ECH1: variants seen among roughly 807,000 people sequenced by gnomAD.
The protein encoded by ECH1 is delta(3,5)-Delta(2,4)-dienoyl-CoA isomerase, mitochondrial.
Under a neutral mutation model 37.0 loss-of-function variants are expected in ECH1, and 30 were observed. The observed-to-expected ratio is 0.81, with a 90% CI of 0.61 to 1.10. The LOEUF is 1.10. Among genes scored for constraint, ECH1 ranks in the 50% least tolerant of loss-of-function variants. The probability of loss-of-function intolerance (pLI) is 0.00; values close to 1 mark genes in which losing one functional copy is unlikely to be tolerated. For synonymous variants in ECH1, 178 were observed against 176.0 expected, an observed-to-expected ratio of 1.01 and a Z score of -0.09; for missense variants, 456 against 441.6, an observed-to-expected ratio of 1.03 and a Z score of -0.29.
Position 38,831,395 on chromosome 19 carries a change from A to C in ECH1, c.174T>G (p.Leu58=). The C allele has an allele frequency of 6.2e-7, 1 of 1,614,028 alleles. No homozygotes were observed. Among genetic ancestry groups the C allele is most frequent in the Non-Finnish European group, 8.5e-7 (1 of 1,180,002 alleles). Residue 58 remains leucine, a synonymous_variant, in exon 2 of 10, where the codon CTT becomes CTG. Coordinates refer to ENST00000221418, the MANE Select transcript of ECH1 (RefSeq NM_001398.3). Reference sequence around the variant, plus strand: ...CATGTTTCTGCGCAGACGTCACACGAAGGGACTCATAGCTGTGGTCTGGGG... The same window carrying C: ...CATGTTTCTGCGCAGACGTCACACGCAGGGACTCATAGCTGTGGTCTGGGG... ...GEAPDHSYES[L]RVTSAQKHVL...
chr19:38,815,514 C>T lies in ECH1; in HGVS notation c.*99G>A, dbSNP rs1971556577. The stretch of plus-strand genomic sequence containing the variant: ...AAAGTTATAAACTGGGAAACTGGGT[C>T]AGAAGGCATAGAAACAACTGTCATC... On this transcript the variant is annotated 3_prime_UTR_variant, in exon 10 of 10. Coordinates refer to ENST00000221418, the MANE Select transcript of ECH1 (RefSeq NM_001398.3). 1 of 1,151,664 alleles carries T rather than the reference C, an allele frequency of 8.7e-7. No individual in the cohort carries two copies. Among genetic ancestry groups the T allele is most frequent in the Non-Finnish European group, 1.3e-6 (1 of 779,404 alleles). 71.3% of individuals were successfully genotyped at this position (1,151,664 alleles called of 1,614,324 possible).
At position 38,815,578 on chromosome 19, in the gene ECH1, C is replaced by T. The variant is rs371584548; in HGVS notation, c.*35G>A. The stretch of plus-strand genomic sequence containing the variant: ...TTCTGTGGATGAGGCGGGACAAGGC[C>T]GGCCCCCTGGCTGGGGCCTGGGACG... On this transcript the variant is annotated 3_prime_UTR_variant, in exon 10 of 10. Coordinates refer to ENST00000221418, the MANE Select transcript of ECH1 (RefSeq NM_001398.3). The T allele has an allele frequency of 5.0e-6, 8 of 1,595,850 alleles. No homozygotes were observed. The African/African-American group carries it at 5.4e-5, about 11-fold the overall frequency.
At chr19:38,818,414 TC>T (rs1426787931) in intron 3 of ECH1, 7 of 985,066 alleles carry the variant, frequency 7.1e-6, no homozygotes, top group Non-Finnish European at 8.4e-6. Flanking sequence ...TCCACCTGTG[TC>T]CCCAGTCTAT....
chr19:38,818,136 G>C (rs1261441543), intron 3 of ECH1: 1 of 815,918 alleles, frequency 1.2e-6, no homozygotes, highest in Non-Finnish European at 1.5e-6. Context: ...GGGATTACAC[G>C]TGTGAGCCAC....
At chr19:38,826,393 G>A (rs928259537) in intron 3 of ECH1, among the ~76,000 whole-genome samples, 2 of 152,216 alleles carry the variant, frequency 1.3e-5, no homozygotes, top group African/African-American at 2.4e-5. Flanking sequence ...CTTAAAGCCT[G>A]AAGCTCATAA....
chr19:38,826,693 T>G (rs1971743975), intron 3 of ECH1, among the ~76,000 whole-genome samples: 1 of 152,200 alleles, frequency 6.6e-6, no homozygotes, highest in South Asian at 2.1e-4. Context: ...TCTCTTTGCC[T>G]TTGAGGATCC....
In ECH1 at chr19:38,815,898, A is replaced by T. The variant is rs199700435; in HGVS notation, c.841T>A (p.Tyr281Asn). ...AVQSTKVNLL[Y>N]SRDHSVAESL... ...TCGGCCACCGAATGGTCGCGGGAAT[A>T]CAGCAGGTTGACCTTGGTGCTCTGC... Residue 281 changes from tyrosine (Y) to asparagine (N), a missense_variant, in exon 9 of 10, where the codon TAT (tyrosine) becomes AAT (asparagine). Physicochemically the swap from Tyr to Asn is moderately radical, Grantham distance 143. Transcript: ENST00000221418. 279 of 1,614,082 alleles carry T rather than the reference A, an allele frequency of 1.7e-4. No homozygotes were observed. The highest frequency in any genetic ancestry group is 2.3e-4 in the Non-Finnish European group (269 of 1,180,032).
At chr19:38,816,718 C>T (rs893696283) in intron 6 of ECH1, among the ~76,000 whole-genome samples, 195 bp from the exon 7 acceptor site, 3 of 152,160 alleles carry the variant, frequency 2.0e-5, no homozygotes, top group African/African-American at 7.2e-5. Context: ...ATAGAGCCCA[C>T]CTTCCCACTC....
chr19:38,815,928 C>G lies in ECH1; in HGVS notation c.811G>C (p.Ala271Pro), dbSNP rs1971567743. The part of the protein sequence containing the change: ...AAEISSKSPV[A>P]VQSTKVNLLY... ...AGGTTGACCTTGGTGCTCTGCACCGCCACGGGGCTCTTGCTGGAAATCTCG... is the reference window on the plus strand; with the variant it reads ...AGGTTGACCTTGGTGCTCTGCACCGGCACGGGGCTCTTGCTGGAAATCTCG... Residue 271 changes from alanine (A) to proline (P), a missense_variant, in exon 9 of 10, where the codon GCG becomes CCG. Physicochemically the swap from Ala to Pro is conservative, Grantham distance 27 (BLOSUM62 -1). Coordinates refer to ENST00000221418, the MANE Select transcript of ECH1 (RefSeq NM_001398.3). The G allele has an allele frequency of 6.2e-7, 1 of 1,614,202 alleles. No individual in the cohort carries two copies. The highest frequency in any genetic ancestry group is 1.1e-5 in the South Asian group (1 of 91,084).
chr19:38,816,453 C>T lies in ECH1; in HGVS notation c.659G>A (p.Ser220Asn). 1 of 1,614,178 alleles carries T rather than the reference C, an allele frequency of 6.2e-7. No individual in the cohort carries two copies. Among genetic ancestry groups the T allele is most frequent in the Non-Finnish European group, 8.5e-7 (1 of 1,180,018 alleles). ...ACACCCCCACACCCCCTGCACCCAC[C>T]TCTGGTTCCCGATGACCTTGGGCAG... ...QRLPKVIGNQ[S>N]LVNELAFTAR... The change falls in exon 7 of 10, where the codon AGC (serine) becomes AAC (asparagine). Residue 220 changes from serine to asparagine, a missense_variant and splice_region_variant. Coordinates refer to ENST00000221418, the MANE Select transcript of ECH1 (RefSeq NM_001398.3).
intron 3 of ECH1, among the ~76,000 whole-genome samples, chr19:38,823,869 C>T (rs1044647256): frequency 1.1e-4 from 17 of 152,196 alleles, no homozygotes; most frequent in African/African-American, 3.6e-4. Context: ...GTCTCTGGTG[C>T]TTTTCTAGTT....
In ECH1 at chr19:38,817,115, T is replaced by C. The variant is rs754156907; in HGVS notation, c.538A>G (p.Thr180Ala). 3.8e-6 allele frequency: 6 copies of C among 1,574,496 alleles called. No individual in the cohort carries two copies. Among genetic ancestry groups the C allele is most frequent in the Non-Finnish European group, 4.3e-6 (5 of 1,160,218 alleles). ...GCACAGTACCGGATGTCACAGGCGGTGACAAGGTCCACACCTAGGAGGTAG... is the reference window on the plus strand; with the variant it reads ...GCACAGTACCGGATGTCACAGGCGGCGACAAGGTCCACACCTAGGAGGTAG... ...GCIGGGVDLV[T>A]ACDIRYCAQD... is the part of the protein sequence containing the mutation. Residue 180 changes from threonine to alanine, a missense_variant, in exon 6 of 10, where the codon ACC (threonine) becomes GCC (alanine). Transcript: ENST00000221418.
intron 3 of ECH1, among the ~76,000 whole-genome samples, chr19:38,828,289 T>C (rs1971766610): frequency 6.6e-6 from 1 of 152,172 alleles, no homozygotes; most frequent in Non-Finnish European, 1.5e-5. Context: ...TGGAGTGCAA[T>C]GGCGTGATGT....
chr19:38,816,711 G>C (rs990840143), intron 6 of ECH1, among the ~76,000 whole-genome samples, 188 bp from the exon 7 acceptor site: 2 of 151,980 alleles, frequency 1.3e-5, no homozygotes, highest in African/African-American at 2.4e-5. Context: ...ACCTAGAATA[G>C]AGCCCACCTT....
chr19:38,817,549 C>G lies in ECH1; in HGVS notation c.376G>C (p.Asp126His), dbSNP rs569413769. 2 of 1,609,810 alleles carry G rather than the reference C, an allele frequency of 1.2e-6. No individual in the cohort carries two copies. Among genetic ancestry groups the G allele is most frequent in the East Asian group, 2.2e-5 (1 of 44,676 alleles). The stretch of plus-strand genomic sequence containing the variant: ...TCATCTCCTTTGGGCTGCAGGATGT[C>G]CGAAGCCATGTCCATCAGGTCAATA... ...AGIDLMDMAS[D>H]ILQPKGDDVA... The change falls in exon 4 of 10, where the codon GAC (aspartate) becomes CAC (histidine). Residue 126 changes from aspartate to histidine, a missense_variant. Transcript: ENST00000221418.
At position 38,817,133 on chromosome 19, in the gene ECH1, G is replaced by A; in HGVS notation, c.524-4C>T. On this transcript the variant is annotated splice_region_variant and splice_polypyrimidine_tract_variant and intron_variant, in intron 5 of 9. Transcript: ENST00000221418. ...CAGGCGGTGACAAGGTCCACACCTAGGAGGTAGAGGCCAGGGATGCTGAAT... is the reference window on the plus strand; with the variant it reads ...CAGGCGGTGACAAGGTCCACACCTAAGAGGTAGAGGCCAGGGATGCTGAAT... 1.3e-6 allele frequency: 2 copies of A among 1,568,036 alleles called. No individual in the cohort carries two copies. Among genetic ancestry groups the A allele is most frequent in the Non-Finnish European group, 1.7e-6 (2 of 1,156,436 alleles).
At chr19:38,829,815 G>GAA (rs796733541) in intron 3 of ECH1, among the ~76,000 whole-genome samples, 3 of 124,916 alleles carry the variant, frequency 2.4e-5, no homozygotes, top group South Asian at 5.1e-4. Flanking sequence ...CTCTGTCTCA[G>GAA]AAAAAAAAAA....
At chr19:38,824,947 C>T (rs1971717452) in intron 3 of ECH1, among the ~76,000 whole-genome samples, 2 of 152,274 alleles carry the variant, frequency 1.3e-5, no homozygotes, top group South Asian at 4.1e-4. Flanking sequence ...GGGTACATGT[C>T]CCCTTCTCCA....
At position 38,815,444 on chromosome 19, in the gene ECH1, T is replaced by G. The variant is rs542347563; in HGVS notation, c.*169A>C. The G allele has an allele frequency of 4.8e-5, 31 of 644,814 alleles. No individual in the cohort carries two copies. The African/African-American group carries it at 5.7e-4, about 12-fold the overall frequency. The allele number at this position is 644,814 out of a possible 1,614,324, so 39.9% of individuals were successfully genotyped here. Reference sequence around the variant, plus strand: ...AGGTTCTTTACTTTGCTTTATTGTTTGTGGGGTGAAGATAAGGCCTTGGGC... The same window carrying G: ...AGGTTCTTTACTTTGCTTTATTGTTGGTGGGGTGAAGATAAGGCCTTGGGC... On this transcript the variant is annotated 3_prime_UTR_variant, in exon 10 of 10. Coordinates refer to ENST00000221418, the MANE Select transcript of ECH1 (RefSeq NM_001398.3).
Sources: allele counts gnomAD v4.1 joint callset (sites outside exome capture counted in the v4.1 genomes callset), GRCh38; gene constraint gnomAD v4.1.1; transcripts MANE v1.5; gene names NCBI Gene and HGNC (gene_info 2026-07-23, HGNC 2026-07-21).